MED12L: variants seen among roughly 807,000 people sequenced by gnomAD.
The protein encoded by MED12L is mediator of RNA polymerase II transcription subunit 12-like protein.
In MED12L, 60 loss-of-function variants were observed where a neutral mutation model predicts 281.3. The observed-to-expected ratio is 0.21, with a 90% CI of 0.17 to 0.26. The LOEUF is 0.26. Ranked by LOEUF, MED12L falls within the 10% of genes least tolerant of loss-of-function variation. The pLI is 1.00. For synonymous variants in MED12L, 974 were observed against 987.2 expected, an observed-to-expected ratio of 0.99 and a Z score of 0.25; for missense variants, 2,146 against 2,680.9, an observed-to-expected ratio of 0.80 and a Z score of 4.41.
chr3:151,285,643 A>G (rs929340726), intron 16 of MED12L, among the ~76,000 whole-genome samples: 2 of 152,110 alleles, frequency 1.3e-5, no homozygotes, highest in African/African-American at 4.8e-5. Flanking sequence ...GAACTTCTCC[A>G]TGTAACCAAG....
intron 2 of MED12L, among the ~76,000 whole-genome samples, chr3:151,113,554 T>C (rs1712260516): frequency 6.6e-6 from 1 of 152,200 alleles, no homozygotes; most frequent in African/African-American, 2.4e-5. Context: ...AGGAGACCAG[T>C]TAGGAGACAT....
At chr3:151,293,757 A>ACTGCC (rs891130003) in intron 16 of MED12L, among the ~76,000 whole-genome samples, 1 of 152,194 alleles carries the variant, frequency 6.6e-6, no homozygotes, top group Non-Finnish European at 1.5e-5. Context: ...TGAGGGGATG[A>ACTGCC]CTGCCAAAGA....
In MED12L at chr3:151,433,012, T is replaced by C; in HGVS notation, c.*208T>C. 1 of 522,920 alleles carries C rather than the reference T, an allele frequency of 1.9e-6. No individual in the cohort carries two copies. The allele number at this position is 522,920 out of a possible 1,614,324, so 32.4% of individuals were successfully genotyped here. ...GGTTTGATTTTGTTGAATTCACCTTTAAAGTAGGTTTACAAATGTGAATCA... is the reference window on the plus strand; with the variant it reads ...GGTTTGATTTTGTTGAATTCACCTTCAAAGTAGGTTTACAAATGTGAATCA... On this transcript the variant is annotated 3_prime_UTR_variant, in exon 45 of 45. Coordinates refer to ENST00000687756, the MANE Select transcript of MED12L (RefSeq NM_001393769.1).
At chr3:151,384,037 T>G in intron 34 of MED12L, 46 bp from the exon 35 acceptor site, 2 of 1,576,078 alleles carry the variant, frequency 1.3e-6, no homozygotes, top group Non-Finnish European at 1.7e-6. Flanking sequence ...TAAATAAGTG[T>G]ATTTCAGTTT....
intron 36 of MED12L, among the ~76,000 whole-genome samples, chr3:151,386,647 G>T (rs1713417574): frequency 6.6e-6 from 1 of 150,420 alleles, no homozygotes; most frequent in Non-Finnish European, 1.5e-5. Context: ...CGTGATCTCG[G>T]CTCACTGCAA....
chr3:151,112,848 A>G (rs765482279), intron 2 of MED12L, among the ~76,000 whole-genome samples: 3 of 152,172 alleles, frequency 2.0e-5, no homozygotes, highest in Non-Finnish European at 4.4e-5. Flanking sequence ...GTGACTCAGA[A>G]TATGCTCATG....
At chr3:151,310,759 AAAACACC>A in intron 16 of MED12L, among the ~76,000 whole-genome samples, 1 of 152,326 alleles carries the variant, frequency 6.6e-6, no homozygotes, top group South Asian at 2.1e-4. Context: ...GCATCTCCAT[AAAACACC>A]TTATTTTTGT....
chr3:151,372,644 G>T lies in MED12L; in HGVS notation c.3742G>T (p.Gly1248Trp), dbSNP rs754696271. The T allele has an allele frequency of 1.4e-5, 22 of 1,613,824 alleles. No individual in the cohort carries two copies. Among genetic ancestry groups the T allele is most frequent in the Non-Finnish European group, 4.2e-6 (5 of 1,179,854 alleles). ...DFTMRGLRCD[G>W]NADDIWTASQ... ...CACCATGAGAGGTTTGCGATGTGATGGGAATGCTGATGATATCTGGACTGC... is the reference window on the plus strand; with the variant it reads ...CACCATGAGAGGTTTGCGATGTGATTGGAATGCTGATGATATCTGGACTGC... Residue 1248 changes from glycine (G) to tryptophan (W), a missense_variant, in exon 27 of 45, where the codon GGG becomes TGG. Physicochemically the swap from Gly to Trp is radical, Grantham distance 184 (BLOSUM62 -2). Around this residue, in one of 9 missense-constraint regions of MED12L, gnomAD observed 235 missense variants for 260.3 expected, o/e 0.90. Coordinates refer to ENST00000687756, the MANE Select transcript of MED12L (RefSeq NM_001393769.1).
intron 16 of MED12L, among the ~76,000 whole-genome samples, chr3:151,345,435 A>G (rs1399264142): frequency 4.0e-5 from 6 of 151,528 alleles, no homozygotes; most frequent in African/African-American, 1.5e-4. Context: ...AATATTTGGT[A>G]TATTTTCTTA....
intron 16 of MED12L, among the ~76,000 whole-genome samples, chr3:151,246,652 TACAACC>T (rs1276459759): frequency 6.6e-6 from 1 of 152,190 alleles, no homozygotes; most frequent in Non-Finnish European, 1.5e-5. Context: ...ACGTTAGACC[TACAACC>T]ATAAAAACCC....
At chr3:151,414,447 A>C (rs1055029298) in intron 42 of MED12L, among the ~76,000 whole-genome samples, 13 of 152,228 alleles carry the variant, frequency 8.5e-5, no homozygotes, top group Non-Finnish European at 1.9e-4. Flanking sequence ...CCTGCCATGC[A>C]GAAAGGGACA....
chr3:151,291,872 T>C (rs1744299124), intron 16 of MED12L, among the ~76,000 whole-genome samples: 1 of 152,172 alleles, frequency 6.6e-6, no homozygotes, highest in East Asian at 1.9e-4. Context: ...TTTAAAAAAA[T>C]AGGGATGATG....
chr3:151,356,700 C>T (rs1166399864), intron 19 of MED12L, among the ~76,000 whole-genome samples: 1 of 151,798 alleles, frequency 6.6e-6, no homozygotes, highest in Non-Finnish European at 1.5e-5. Context: ...TTTATTTGCT[C>T]TTTATAATAG....
At chr3:151,098,885 T>C (rs1721059514) in intron 2 of MED12L, among the ~76,000 whole-genome samples, 1 of 151,590 alleles carries the variant, frequency 6.6e-6, no homozygotes, top group Admixed American at 6.6e-5. Context: ...GAAAAAGAGG[T>C]TTAATGCACT....
intron 5 of MED12L, among the ~76,000 whole-genome samples, chr3:151,152,097 T>TG (rs1718615999): frequency 8.2e-6 from 1 of 121,814 alleles, no homozygotes; most frequent in African/African-American, 3.5e-5. Flanking sequence ...TTTTTTTTTT[T>TG]TTTTTTTTTT....
intron 16 of MED12L, among the ~76,000 whole-genome samples, chr3:151,263,464 C>T (rs536089230): frequency 6.6e-6 from 1 of 152,308 alleles, no homozygotes; most frequent in Admixed American, 6.5e-5. Flanking sequence ...CTTTAAATAA[C>T]ATTTGTTTGT....
chr3:151,354,930 G>A (rs1753726977), intron 17 of MED12L, among the ~76,000 whole-genome samples, 191 bp from the exon 18 acceptor site: 1 of 152,144 alleles, frequency 6.6e-6, no homozygotes, highest in African/African-American at 2.4e-5. Context: ...GCCTAGAGAG[G>A]CCTGAGGGAG....
intron 11 of MED12L, among the ~76,000 whole-genome samples, chr3:151,167,762 T>A (rs1349832327): frequency 6.6e-6 from 1 of 152,240 alleles, no homozygotes; most frequent in Non-Finnish European, 1.5e-5. Flanking sequence ...CGTGCTCTTT[T>A]TGGGTGGAAA....
chr3:151,175,372 G>A (rs985836492), intron 11 of MED12L, among the ~76,000 whole-genome samples: 2 of 152,142 alleles, frequency 1.3e-5, no homozygotes, highest in African/African-American at 4.8e-5. Context: ...AGATTAAAGA[G>A]CTGTTAAGAG....
Sources: allele counts gnomAD v4.1 joint callset (sites outside exome capture counted in the v4.1 genomes callset), GRCh38; gene constraint gnomAD v4.1.1; regional missense constraint gnomAD v4.1.1; transcripts MANE v1.5; gene names NCBI Gene and HGNC (gene_info 2026-07-23, HGNC 2026-07-21).